ASIC2: variants seen among roughly 807,000 people sequenced by gnomAD.
ASIC2 encodes acid-sensing ion channel 2.
Under a neutral mutation model 57.3 loss-of-function variants are expected in ASIC2, and 25 were observed. The observed-to-expected ratio is 0.44, with a 90% CI of 0.32 to 0.61. The LOEUF is 0.61. Ranked by LOEUF, ASIC2 falls within the 20% of genes least tolerant of loss-of-function variation. The probability of loss-of-function intolerance (pLI) is 0.06; values close to 1 mark genes in which losing one functional copy is unlikely to be tolerated. For missense variants in ASIC2, 641 were observed against 738.1 expected, an observed-to-expected ratio of 0.87 and a Z score of 1.52; for synonymous variants, 319 against 307.5, an observed-to-expected ratio of 1.04 and a Z score of -0.39.
chr17:33,765,722 G>C (rs1910916244), intron 1 of ASIC2, among the ~76,000 whole-genome samples: 1 of 152,174 alleles, frequency 6.6e-6, no homozygotes, highest in African/African-American at 2.4e-5. Flanking sequence ...AGAACAGATG[G>C]GGGACATGGA....
rs540431868 is a variant in ASIC2 at position 33,646,475 on chromosome 17, A to G, written c.555+509503T>C. ...CTTTCTGCCCTGGGTGGTATAAGAAAGTTGAAGGAATTAGGGGAAGACGAG... is the reference window on the plus strand; with the variant it reads ...CTTTCTGCCCTGGGTGGTATAAGAAGGTTGAAGGAATTAGGGGAAGACGAG... On this transcript the variant is annotated intron_variant, in intron 1 of 9. Coordinates refer to the ASIC2 transcript ENST00000359872. Among the ~76,000 whole-genome samples the G allele has an allele frequency of 2.0e-5, 3 of 152,282 alleles. No homozygotes were observed. The East Asian group carries it at 5.8e-4, about 29-fold the overall frequency.
intron 1 of ASIC2, among the ~76,000 whole-genome samples, chr17:33,990,318 A>T (rs1283006127): frequency 2.6e-5 from 4 of 152,202 alleles, no homozygotes; most frequent in African/African-American, 9.7e-5. Context: ...GAGGCATAGA[A>T]AATTGTCTGG....
intron 1 of ASIC2, among the ~76,000 whole-genome samples, chr17:33,773,935 G>C (rs1324753647): frequency 6.6e-6 from 1 of 151,968 alleles, no homozygotes; most frequent in Non-Finnish European, 1.5e-5. Flanking sequence ...CCAAAGTGTT[G>C]GGATGTACAG....
chr17:34,109,423 C>T (rs12162117), intron 1 of ASIC2, among the ~76,000 whole-genome samples: 8,715 of 152,114 alleles, frequency 0.057, 770 homozygotes, highest in African/African-American at 0.19. Context: ...ATGTCTTCTA[C>T]GTACATGTAT....
intron 1 of ASIC2, among the ~76,000 whole-genome samples, chr17:33,780,558 G>A (rs771181883): frequency 3.3e-5 from 5 of 152,228 alleles, no homozygotes; most frequent in Non-Finnish European, 5.9e-5. Flanking sequence ...AAAGGGACCT[G>A]AGTTTGAATC....
At chr17:34,119,216 G>A (rs1303992650) in intron 1 of ASIC2, among the ~76,000 whole-genome samples, 1 of 152,146 alleles carries the variant, frequency 6.6e-6, no homozygotes, top group East Asian at 1.9e-4. Flanking sequence ...GGGCTTTGGA[G>A]TCACATGACA....
intron 1 of ASIC2, among the ~76,000 whole-genome samples, chr17:33,600,606 T>A (rs1057417956): frequency 6.6e-6 from 1 of 152,236 alleles, no homozygotes. Flanking sequence ...AACCCATTTA[T>A]GCCTGAGGTG....
intron 1 of ASIC2, chr17:34,039,048 T>C: frequency 2.5e-6 from 4 of 1,614,188 alleles, no homozygotes; most frequent in Non-Finnish European, 3.4e-6. Flanking sequence ...TTGACTTTTC[T>C]ATAAGGAGTT....
chr17:33,910,130 AACAGC>A (rs1269565535), intron 1 of ASIC2, among the ~76,000 whole-genome samples: 4 of 152,318 alleles, frequency 2.6e-5, no homozygotes, highest in African/African-American at 7.2e-5. Context: ...TTAATATTCA[AACAGC>A]TTTTGGGGAT....
intron 1 of ASIC2, among the ~76,000 whole-genome samples, chr17:33,932,946 G>A (rs1043405008): frequency 6.6e-6 from 1 of 151,880 alleles, no homozygotes; most frequent in South Asian, 2.1e-4. Flanking sequence ...GAAAGATCAA[G>A]AAGGCAAAGA....
At chr17:34,114,733 G>A (rs1054009734) in intron 1 of ASIC2, among the ~76,000 whole-genome samples, 2 of 152,178 alleles carry the variant, frequency 1.3e-5, no homozygotes, top group South Asian at 2.1e-4. Flanking sequence ...AGCCTATGAT[G>A]CAAAGGGTGG....
chr17:33,354,463 C>A (rs1038938449), intron 1 of ASIC2, among the ~76,000 whole-genome samples: 2 of 152,138 alleles, frequency 1.3e-5, no homozygotes, highest in African/African-American at 4.8e-5. Flanking sequence ...ACATAAGATC[C>A]TTCAGTGACT....
At position 33,183,707 on chromosome 17, in the gene ASIC2, C is replaced by A. The variant is rs80317196; in HGVS notation, c.709-71640G>T. ...ATGCATTTATTGTATCTTTCATCAGCAGTTTTCAACTAAGCAGAAATGGAT... is the reference window on the plus strand; with the variant it reads ...ATGCATTTATTGTATCTTTCATCAGAAGTTTTCAACTAAGCAGAAATGGAT... On this transcript the variant is annotated intron_variant, in intron 1 of 9. Coordinates refer to ENST00000225823, the MANE Select transcript of ASIC2 (RefSeq NM_183377.2). 2.9e-3 allele frequency among the ~76,000 whole-genome samples: 435 copies of A among 152,322 alleles called. 3 individuals are homozygous for A. In the South Asian group the frequency reaches 0.036, roughly 13 times the overall value.
At chr17:33,534,801 C>T (rs182998211) in intron 1 of ASIC2, among the ~76,000 whole-genome samples, 2 of 152,308 alleles carry the variant, frequency 1.3e-5, no homozygotes, top group East Asian at 3.9e-4. Context: ...TCAAAGTGCT[C>T]TTACTATTTG....
intron 1 of ASIC2, among the ~76,000 whole-genome samples, chr17:34,090,626 C>T (rs145403446): frequency 6.6e-6 from 1 of 152,176 alleles, no homozygotes; most frequent in Non-Finnish European, 1.5e-5. Flanking sequence ...CATAAGGTAA[C>T]TCAACCCAAG....
intron 1 of ASIC2, among the ~76,000 whole-genome samples, chr17:33,223,482 C>T (rs1265309051): frequency 5.9e-5 from 9 of 152,262 alleles, no homozygotes; most frequent in African/African-American, 2.2e-4. Context: ...CATGCCCGGC[C>T]CCCCTTTTCT....
intron 1 of ASIC2, among the ~76,000 whole-genome samples, chr17:33,670,317 G>A (rs1706739966): frequency 6.6e-6 from 1 of 152,204 alleles, no homozygotes; most frequent in East Asian, 1.9e-4. Flanking sequence ...CTAGAGGCCT[G>A]CTAAGGTGTC....
At chr17:33,842,777 G>A (rs886390779) in intron 1 of ASIC2, among the ~76,000 whole-genome samples, 5 of 152,162 alleles carry the variant, frequency 3.3e-5, no homozygotes, top group South Asian at 2.1e-4. Context: ...GCAAGCACTG[G>A]GAACATTCAG....
In ASIC2 at chr17:33,861,858, C is replaced by T. The variant is rs183480113; in HGVS notation, c.555+294120G>A. On this transcript the variant is annotated intron_variant, in intron 1 of 9. Transcript: ENST00000359872. ...CACAGAAAACTTCACTGACAATTCC[C>T]GCTTACTCAGTTTCAAGCAATGGCA... Among the ~76,000 whole-genome samples the T allele has an allele frequency of 1.4e-4, 22 of 152,258 alleles. No individual in the cohort carries two copies. In the East Asian group the frequency reaches 1.7e-3, roughly 12 times the overall value.
Sources: allele counts gnomAD v4.1 joint callset (sites outside exome capture counted in the v4.1 genomes callset), GRCh38; gene constraint gnomAD v4.1.1; transcripts MANE v1.5; gene names NCBI Gene and HGNC (gene_info 2026-07-23, HGNC 2026-07-21).